LRGUK: variants seen among roughly 807,000 people sequenced by gnomAD.
The protein encoded by LRGUK is leucine rich repeats and guanylate kinase domain containing.
LRGUK carries 65 observed loss-of-function variants against 76.0 expected under a neutral mutation model. That is an observed-to-expected ratio of 0.85 (90% CI 0.70 to 1.05). The LOEUF (loss-of-function observed/expected upper bound fraction) is 1.05. Ranked by LOEUF, LRGUK falls within the 50% of genes least tolerant of loss-of-function variation. LRGUK has a pLI of 0.00. For synonymous variants in LRGUK, 268 were observed against 265.6 expected (o/e 1.01, Z -0.09); for missense variants, 758 against 732.8 (o/e 1.03, Z -0.40).
chr7:134,249,146 C>G lies in LRGUK; in HGVS notation c.2198+70C>G, dbSNP rs146353001. 28 of 1,405,460 alleles carry G rather than the reference C, an allele frequency of 2.0e-5. No homozygotes were observed. In the East Asian group the frequency reaches 6.2e-4, roughly 31 times the overall value. 87.1% of individuals were successfully genotyped at this position (1,405,460 alleles called of 1,614,324 possible). On this transcript the variant is annotated intron_variant, in intron 18 of 19. Coordinates refer to the LRGUK transcript ENST00000285928. ...GGTTAGTTAAAATTATGGTACTCAT[C>G]TCTAAGCTTCAGAGAAATCCTAAAA...
chr7:134,210,748 A>T (rs1801230355), downstream of LRGUK, among the ~76,000 whole-genome samples: 1 of 152,202 alleles, frequency 6.6e-6, no homozygotes, highest in African/African-American at 2.4e-5. Flanking sequence ...TCAAAGACAC[A>T]CCAGCCCATC....
At chr7:134,214,694 C>T (rs1801386878), downstream of LRGUK, among the ~76,000 whole-genome samples, 1 of 151,392 alleles carries the variant, frequency 6.6e-6, no homozygotes, top group Non-Finnish European at 1.5e-5. Flanking sequence ...TTTTATTTTC[C>T]CATCTATGCT....
At chr7:134,246,655 A>G (rs1300634622) in intron 16 of LRGUK, among the ~76,000 whole-genome samples, 1 of 152,226 alleles carries the variant, frequency 6.6e-6, no homozygotes, top group Non-Finnish European at 1.5e-5. Flanking sequence ...TAATGACATA[A>G]AAATCAAAAC....
chr7:134,254,405 C>A (rs1246692467), intron 18 of LRGUK, among the ~76,000 whole-genome samples: 1 of 152,170 alleles, frequency 6.6e-6, no homozygotes, highest in Non-Finnish European at 1.5e-5. Context: ...AGCTGATAGA[C>A]AACACACATT....
chr7:134,257,637 CT>C (rs57682311), intron 18 of LRGUK, among the ~76,000 whole-genome samples: 11,227 of 152,136 alleles, frequency 0.074, 1,007 homozygotes, highest in African/African-American at 0.21. Context: ...ATAACCCCAT[CT>C]CTACTAAAAA....
At chr7:134,138,136 C>T (rs1255887903) in intron 2 of LRGUK, among the ~76,000 whole-genome samples, 9 of 152,292 alleles carry the variant, frequency 5.9e-5, no homozygotes, top group Middle Eastern at 3.4e-3. Flanking sequence ...CTGTGTTTGA[C>T]GCTGGAATAT....
At chr7:134,276,491 G>T in the LRGUK span, among the ~76,000 whole-genome samples, 9 of 152,148 alleles carry the variant, frequency 5.9e-5, no homozygotes, top group Non-Finnish European at 1.0e-4. Flanking sequence ...GGGACAGGGT[G>T]GGGGAGATGG....
At chr7:134,166,880 C>T (rs1396520610) in intron 7 of LRGUK, among the ~76,000 whole-genome samples, 1 of 152,206 alleles carries the variant, frequency 6.6e-6, no homozygotes, top group Non-Finnish European at 1.5e-5. Flanking sequence ...CCCTGGCTCA[C>T]ACTTCTCTTC....
chr7:134,247,976 T>G (rs1802350684), intron 17 of LRGUK, among the ~76,000 whole-genome samples: 1 of 152,238 alleles, frequency 6.6e-6, no homozygotes, highest in African/African-American at 2.4e-5. Flanking sequence ...GTTTCGGTTC[T>G]TTTTATTGTT....
intron 16 of LRGUK, among the ~76,000 whole-genome samples, chr7:134,223,639 C>G (rs375705152): frequency 3.3e-4 from 50 of 152,168 alleles, no homozygotes; most frequent in African/African-American, 1.2e-3. Context: ...TTACACAATC[C>G]TGGGAAATTG....
intron 5 of LRGUK, 26 bp downstream of exon 5, chr7:134,148,345 A>G: frequency 7.6e-7 from 1 of 1,315,158 alleles, no homozygotes; most frequent in Non-Finnish European, 1.1e-6. Flanking sequence ...GTAAAGGGGA[A>G]AATTTTAAAA....
At chr7:134,248,758 A>G (rs1802371387) in intron 17 of LRGUK, among the ~76,000 whole-genome samples, 193 bp from the exon 18 acceptor site, 1 of 152,186 alleles carries the variant, frequency 6.6e-6, no homozygotes. Flanking sequence ...TTAACCTTCA[A>G]ATTAGAATGT....
chr7:134,136,952 A>G (rs1226000154), intron 1 of LRGUK, 71 bp from the exon 2 acceptor site: 2 of 1,250,428 alleles, frequency 1.6e-6, no homozygotes, highest in Admixed American at 4.0e-5. Flanking sequence ...TAAGTGCTGG[A>G]TATGACAAGA....
chr7:134,185,050 A>G (rs1014051822), intron 11 of LRGUK, among the ~76,000 whole-genome samples: 1 of 152,256 alleles, frequency 6.6e-6, no homozygotes, highest in African/African-American at 2.4e-5. Context: ...GGAGGAAGGA[A>G]GGAGAAGGGG....
At chr7:134,224,079 C>T (rs1050219515) in intron 16 of LRGUK, among the ~76,000 whole-genome samples, 21 of 152,208 alleles carry the variant, frequency 1.4e-4, no homozygotes, top group Non-Finnish European at 2.8e-4. Context: ...CAGCCCACAG[C>T]TTTCTCTCCT....
chr7:134,141,745 T>C (rs1288883792), intron 3 of LRGUK: 1 of 152,230 alleles, frequency 6.6e-6, no homozygotes, highest in East Asian at 1.9e-4. Flanking sequence ...GACATGTAGC[T>C]GAGCTCAGCA....
At chr7:134,271,862 T>C in the LRGUK span, among the ~76,000 whole-genome samples, 2 of 152,130 alleles carry the variant, frequency 1.3e-5, no homozygotes, top group Admixed American at 6.5e-5. Context: ...GTCTGGTGTA[T>C]AAAATGCAAT....
At chr7:134,137,923 A>G (rs750025931) in intron 2 of LRGUK, among the ~76,000 whole-genome samples, 26 of 152,282 alleles carry the variant, frequency 1.7e-4, no homozygotes, top group Middle Eastern at 3.4e-3. Context: ...GTAATTCACT[A>G]TAAGCCTGTT....
At chr7:134,227,795 G>T (rs1486515387) in intron 16 of LRGUK, among the ~76,000 whole-genome samples, 1 of 152,060 alleles carries the variant, frequency 6.6e-6, no homozygotes, top group Admixed American at 6.5e-5. Flanking sequence ...GCTAAAGAGA[G>T]AATTAATAGA....
Sources: gnomAD v4.1 joint callset for allele counts (sites outside exome capture counted in the v4.1 genomes callset) on GRCh38, gnomAD v4.1.1 for gene constraint, MANE v1.5 for transcripts, NCBI Gene and HGNC (gene_info 2026-07-23, HGNC 2026-07-21) for gene names.